The following AMOTL1 variants were observed in gnomAD, a reference collection of about 807,000 sequenced individuals.
AMOTL1 encodes angiomotin-like protein 1.
AMOTL1 carries 45 observed loss-of-function variants against 102.9 expected under a neutral mutation model. The ratio of observed to expected loss-of-function variants is 0.44; its 90% CI spans 0.34 to 0.56. The LOEUF is 0.56. AMOTL1 is among the 20% of genes least tolerant of loss of function. The probability of loss-of-function intolerance (pLI) is 0.01; values close to 1 mark genes in which losing one functional copy is unlikely to be tolerated. For missense variants in AMOTL1, 1,114 were observed against 1,225.6 expected (o/e 0.91, Z 1.36); for synonymous variants, 481 against 484.7 (o/e 0.99, Z 0.10).
intron 11 of AMOTL1, 64 bp downstream of exon 11, chr11:94,866,232 T>G: frequency 6.7e-7 from 1 of 1,498,928 alleles, no homozygotes; most frequent in Non-Finnish European, 9.2e-7. Flanking sequence ...TCTCTGCCAC[T>G]CATGGGACAC....
At chr11:94,822,359 A>G (rs541476278) in intron 4 of AMOTL1, among the ~76,000 whole-genome samples, 1 of 152,174 alleles carries the variant, frequency 6.6e-6, no homozygotes, top group Non-Finnish European at 1.5e-5. Context: ...CTTGGGAAGC[A>G]TAGGTTATAG....
At chr11:94,831,033 TA>T (rs1248218499) in intron 5 of AMOTL1, among the ~76,000 whole-genome samples, 1 of 152,228 alleles carries the variant, frequency 6.6e-6, no homozygotes, top group Non-Finnish European at 1.5e-5. Flanking sequence ...TGGTATTCGT[TA>T]TTTTTTTTCT....
chr11:94,806,584 G>A (rs1951572834), intron 3 of AMOTL1, among the ~76,000 whole-genome samples: 1 of 152,170 alleles, frequency 6.6e-6, no homozygotes, highest in Non-Finnish European at 1.5e-5. Flanking sequence ...ACCAGCATGG[G>A]AACTCAGGAG....
At chr11:94,708,287 G>A (rs1047759367) in intron 1 of AMOTL1, among the ~76,000 whole-genome samples, 2 of 152,212 alleles carry the variant, frequency 1.3e-5, no homozygotes, top group Non-Finnish European at 2.9e-5. Context: ...GAGTTTAGAA[G>A]CATTAGCATT....
In AMOTL1 at chr11:94,799,298, G is replaced by A. The variant is rs796587178; in HGVS notation, c.200-92G>A. 2.9e-5 allele frequency: 30 copies of A among 1,040,684 alleles called. No individual in the cohort carries two copies. The African/African-American group carries it at 4.5e-4, about 16-fold the overall frequency. The allele number at this position is 1,040,684 out of a possible 1,614,324, so 64.5% of individuals were successfully genotyped here. ...TGAAATCTTATTTTTAAATGTTGCT[G>A]TAGTTAGAATGTTAATTATGTACCA... On this transcript the variant is annotated intron_variant, in intron 2 of 12. Transcript: ENST00000433060. This position sits in a 1 kb window ranked among gnomAD's most constrained non-coding sequence, Gnocchi z 4.5.
chr11:94,815,965 A>C (rs988166505), intron 3 of AMOTL1, among the ~76,000 whole-genome samples: 2 of 152,158 alleles, frequency 1.3e-5, no homozygotes, highest in Non-Finnish European at 2.9e-5. Flanking sequence ...TATATGATCA[A>C]GTTGTCTGTA....
At chr11:94,769,080 C>A (rs1950904277) in intron 1 of AMOTL1, among the ~76,000 whole-genome samples, 1 of 152,128 alleles carries the variant, frequency 6.6e-6, no homozygotes, top group African/African-American at 2.4e-5. Flanking sequence ...ACGAAAGGGT[C>A]GCACCCCAGC....
chr11:94,787,419 T>C (rs1293485498), intron 1 of AMOTL1, among the ~76,000 whole-genome samples: 1 of 152,088 alleles, frequency 6.6e-6, no homozygotes, highest in Non-Finnish European at 1.5e-5. Flanking sequence ...CTAAGTCATG[T>C]AGTACTTAAG....
intron 9 of AMOTL1, among the ~76,000 whole-genome samples, chr11:94,863,954 G>C (rs1011590992): frequency 6.6e-6 from 1 of 152,094 alleles, no homozygotes; most frequent in Non-Finnish European, 1.5e-5. Context: ...TCTTCTTTCT[G>C]TCCTGGACCC....
At chr11:94,797,777 G>T (rs1951395376) in intron 2 of AMOTL1, among the ~76,000 whole-genome samples, 2 of 152,218 alleles carry the variant, frequency 1.3e-5, no homozygotes, top group Admixed American at 6.5e-5. Context: ...CATAAGTATT[G>T]CTGGAGCTTA....
At chr11:94,734,799 A>G (rs780559806) in intron 2 of AMOTL1, among the ~76,000 whole-genome samples, 1 of 152,220 alleles carries the variant, frequency 6.6e-6, no homozygotes, top group Non-Finnish European at 1.5e-5. Context: ...AGGCAGAGAG[A>G]TGACTCAGCT....
At chr11:94,740,654 G>C (rs574513310) in intron 2 of AMOTL1, among the ~76,000 whole-genome samples, 1 of 151,924 alleles carries the variant, frequency 6.6e-6, no homozygotes. Flanking sequence ...GCGCCCGGCC[G>C]GGGGAGCCGC....
At chr11:94,842,570 A>G (rs1280779271) in intron 6 of AMOTL1, among the ~76,000 whole-genome samples, 5 of 152,218 alleles carry the variant, frequency 3.3e-5, no homozygotes, top group Non-Finnish European at 7.3e-5. Context: ...AATGCATTGC[A>G]CTTTAGGCTT....
chr11:94,794,800 T>G (rs1020401400), intron 1 of AMOTL1, among the ~76,000 whole-genome samples: 2 of 152,184 alleles, frequency 1.3e-5, no homozygotes, highest in East Asian at 1.9e-4. Context: ...TCTTGAGGAC[T>G]GTTATGTTGA....
intron 3 of AMOTL1, among the ~76,000 whole-genome samples, chr11:94,807,903 C>A (rs1210779921): frequency 7.4e-6 from 1 of 135,286 alleles, no homozygotes; most frequent in Non-Finnish European, 1.6e-5. Flanking sequence ...AAATGAGTTT[C>A]CCAAGTCTTT....
chr11:94,856,492 C>A (rs941507925), intron 8 of AMOTL1, among the ~76,000 whole-genome samples: 1 of 152,052 alleles, frequency 6.6e-6, no homozygotes, highest in African/African-American at 2.4e-5. Flanking sequence ...AGAGATGACT[C>A]GGAATCCACT....
At chr11:94,835,639 C>T (rs553793944) in intron 6 of AMOTL1, among the ~76,000 whole-genome samples, 1 of 152,272 alleles carries the variant, frequency 6.6e-6, no homozygotes, top group South Asian at 2.1e-4. Context: ...TTAGCTCTGG[C>T]ATGTTTGCGT....
intron 4 of AMOTL1, among the ~76,000 whole-genome samples, chr11:94,822,683 T>C (rs1951888524): frequency 6.6e-6 from 1 of 152,134 alleles, no homozygotes; most frequent in Non-Finnish European, 1.5e-5. Flanking sequence ...AATATTTAAA[T>C]GTATGGCAGC....
intron 6 of AMOTL1, among the ~76,000 whole-genome samples, chr11:94,843,164 A>G (rs1952341980): frequency 6.6e-6 from 1 of 152,240 alleles, no homozygotes; most frequent in African/African-American, 2.4e-5. Flanking sequence ...TCAAACCAGC[A>G]TCTTCTAAGG....
Sources: gnomAD v4.1 joint callset for allele counts (sites outside exome capture counted in the v4.1 genomes callset) on GRCh38, gnomAD v4.1.1 for gene constraint, Gnocchi (gnomAD v3.1) non-coding constraint, MANE v1.5 for transcripts, NCBI Gene and HGNC (gene_info 2026-07-23, HGNC 2026-07-21) for gene names.